Variants in CEP120 observed in about 807,000 individuals in gnomAD.
CEP120 encodes centrosomal protein 120.
CEP120 carries 113 observed loss-of-function variants against 126.5 expected under a neutral mutation model. The observed-to-expected ratio is 0.89, with a 90% CI of 0.77 to 1.04. The LOEUF (loss-of-function observed/expected upper bound fraction) is 1.04. CEP120 is among the 50% of genes least tolerant of loss of function. The pLI, the probability that CEP120 is intolerant of heterozygous loss-of-function variation, is 0.00. For missense variants in CEP120, 1,230 were observed against 1,155.7 expected (o/e 1.06, Z -0.93); for synonymous variants, 400 against 394.3 (o/e 1.01, Z -0.17).
rs971231004 is a variant in CEP120 at position 123,423,347 on chromosome 5, C to T, written c.-349G>A. On this transcript the variant is annotated 5_prime_UTR_variant, in exon 1 of 20. Coordinates refer to ENST00000306467, the MANE Select transcript of CEP120 (RefSeq NM_001375405.1). Reference sequence around the variant, plus strand: ...CCGCAGCGGCCGCCGCCGCGCCCAGCTTCCGCCTAGCAACCAGGCCCGCAG... The same window carrying T: ...CCGCAGCGGCCGCCGCCGCGCCCAGTTTCCGCCTAGCAACCAGGCCCGCAG... The T allele has an allele frequency of 5.7e-6, 2 of 350,940 alleles. No individual in the cohort carries two copies. Among genetic ancestry groups the T allele is most frequent in the Non-Finnish European group, 1.0e-5 (2 of 190,694 alleles). 21.7% of individuals were successfully genotyped at this position (350,940 alleles called of 1,614,324 possible). A position where few individuals can be genotyped will look rare whatever the true frequency, so the allele number is the denominator to read the frequency against.
chr5:123,395,503 C>T (rs1051336354), intron 5 of CEP120, among the ~76,000 whole-genome samples: 6 of 152,242 alleles, frequency 3.9e-5, no homozygotes, highest in African/African-American at 1.4e-4. Flanking sequence ...ACCCTACCAT[C>T]CATACTCTCC....
At chr5:123,355,284 C>A (rs141700787) in intron 18 of CEP120, among the ~76,000 whole-genome samples, 1,793 of 152,206 alleles carry the variant, frequency 0.012, 32 homozygotes, top group African/African-American at 0.041. Context: ...GATTTATAAT[C>A]CTTTGGGTAT....
intron 6 of CEP120, among the ~76,000 whole-genome samples, chr5:123,392,074 T>A (rs1216306891): frequency 1.3e-5 from 2 of 152,198 alleles, no homozygotes; most frequent in African/African-American, 4.8e-5. Flanking sequence ...AATCATGCTG[T>A]AAAATATATT....
rs774401167 is a variant in CEP120 at position 123,419,890 on chromosome 5, C to A, written c.50-1375G>T. Among the ~76,000 whole-genome samples, 9 of 152,264 alleles carry A rather than the reference C, an allele frequency of 5.9e-5. No individual in the cohort carries two copies. In the East Asian group the frequency reaches 1.7e-3, roughly 29 times the overall value. On this transcript the variant is annotated intron_variant, in intron 1 of 19. Coordinates refer to ENST00000306467, the MANE Select transcript of CEP120 (RefSeq NM_001375405.1). ...CAACGAAGAAGCACTAAGAATCTTG[C>A]ACTGAGTCAACTAGTTCTCTTGTTT...
intron 4 of CEP120, among the ~76,000 whole-genome samples, chr5:123,402,830 T>C (rs574872815): frequency 1.3e-5 from 2 of 152,340 alleles, no homozygotes; most frequent in Non-Finnish European, 2.9e-5. Context: ...TTAGGAGATA[T>C]GGTCTTAAAC....
Position 123,391,089 on chromosome 5 carries a change from T to C in CEP120, c.1038+21A>G, listed in dbSNP as rs17408604. On this transcript the variant is annotated intron_variant, in intron 7 of 19. Coordinates refer to ENST00000306467, the MANE Select transcript of CEP120 (RefSeq NM_001375405.1). ...CATGGGACTAGTGAAGCCAGGGGAA[T>C]GAAGGAGGGCCACTACTTGCCTGGG... is the stretch of plus-strand genomic sequence containing the variant. 355,500 of 1,580,022 alleles carry C rather than the reference T, an allele frequency of 0.22. 42,972 individuals carry two copies. The highest frequency in any genetic ancestry group is 0.25 in the Non-Finnish European group (284,442 of 1,155,710).
At chr5:123,387,397 T>C (rs1194577406) in intron 9 of CEP120, among the ~76,000 whole-genome samples, 1 of 152,084 alleles carries the variant, frequency 6.6e-6, no homozygotes, top group Non-Finnish European at 1.5e-5. Context: ...CAGCTCCCTA[T>C]GCTTACCACC....
chr5:123,383,769 A>G (rs1237679544), intron 11 of CEP120, among the ~76,000 whole-genome samples: 1 of 152,110 alleles, frequency 6.6e-6, no homozygotes, highest in Non-Finnish European at 1.5e-5. Flanking sequence ...GTATCATACA[A>G]CTGCATGCAG....
At chr5:123,352,036 T>G (rs887916195) in intron 18 of CEP120, among the ~76,000 whole-genome samples, 30 of 152,152 alleles carry the variant, frequency 2.0e-4, no homozygotes, top group Non-Finnish European at 3.4e-4. Flanking sequence ...GATTTTATTT[T>G]GCACTATTCA....
intron 4 of CEP120, among the ~76,000 whole-genome samples, chr5:123,411,838 T>G (rs905211335): frequency 3.3e-5 from 5 of 152,192 alleles, no homozygotes; most frequent in African/African-American, 4.8e-5. Flanking sequence ...ATGTAAACTA[T>G]AGACCTTGGG....
chr5:123,399,331 A>G, intron 4 of CEP120, 47 bp from the exon 5 acceptor site: 1 of 1,571,368 alleles, frequency 6.4e-7, no homozygotes, highest in Non-Finnish European at 8.7e-7. Flanking sequence ...TTTGTCATAA[A>G]CCATTATAAG....
intron 1 of CEP120, among the ~76,000 whole-genome samples, chr5:123,421,734 C>T (rs1774729175): frequency 1.3e-5 from 2 of 152,108 alleles, no homozygotes. Context: ...TATTTGTTTC[C>T]TCATAGCATG....
intron 4 of CEP120, chr5:123,403,736 T>C (rs1014557674): frequency 1.2e-5 from 5 of 424,666 alleles, no homozygotes; most frequent in Non-Finnish European, 2.3e-5. Context: ...TGTTCGATGA[T>C]ATTTCTGCCA....
intron 11 of CEP120, 41 bp from the exon 12 acceptor site, chr5:123,383,123 AC>A: frequency 8.8e-7 from 1 of 1,138,710 alleles, no homozygotes; most frequent in Non-Finnish European, 1.3e-6. Context: ...TCACAGAAAT[AC>A]TTTATATTAT....
chr5:123,379,368 G>A (rs1771486242), intron 14 of CEP120, among the ~76,000 whole-genome samples: 1 of 151,962 alleles, frequency 6.6e-6, no homozygotes, highest in Admixed American at 6.6e-5. Context: ...TCTAGCCACT[G>A]TACCTCCATC....
chr5:123,423,323 C>G lies in CEP120; in HGVS notation c.-325G>C, dbSNP rs1017873589. 2.5e-5 allele frequency: 9 copies of G among 356,508 alleles called. No individual in the cohort carries two copies. The highest frequency in any genetic ancestry group is 1.7e-4 in the African/African-American group (8 of 46,088). The allele number at this position is 356,508 out of a possible 1,614,324, so 22.1% of individuals were successfully genotyped here. On this transcript the variant is annotated 5_prime_UTR_variant, in exon 1 of 20. Coordinates refer to ENST00000306467, the MANE Select transcript of CEP120 (RefSeq NM_001375405.1). ...GCCGCTTTTCAAACGCCCGGGCGGC[C>G]GCAGCGGCCGCCGCCGCGCCCAGCT...
chr5:123,386,787 A>G, intron 9 of CEP120, 120 bp from the exon 10 acceptor site: 1 of 738,478 alleles, frequency 1.4e-6, no homozygotes, highest in Non-Finnish European at 1.9e-6. Flanking sequence ...CAACTTTTTA[A>G]TAGAAACATG....
At chr5:123,362,598 C>T (rs193030328) in intron 18 of CEP120, among the ~76,000 whole-genome samples, 2 of 151,730 alleles carry the variant, frequency 1.3e-5, no homozygotes, top group Non-Finnish European at 3.0e-5. Context: ...ATGATAAATT[C>T]TGAAGGGCTC....
chr5:123,391,437 A>C, intron 6 of CEP120, 100 bp from the exon 7 acceptor site: 1 of 907,054 alleles, frequency 1.1e-6, no homozygotes, highest in East Asian at 2.5e-5. Context: ...GCATGGAAAG[A>C]AAATATTATG....
Sources: gnomAD v4.1 joint callset for allele counts (sites outside exome capture counted in the v4.1 genomes callset) on GRCh38, gnomAD v4.1.1 for gene constraint, MANE v1.5 for transcripts, NCBI Gene and HGNC (gene_info 2026-07-23, HGNC 2026-07-21) for gene names.